AMACR: variants seen among roughly 807,000 people sequenced by gnomAD.
AMACR encodes the protein 2-methylacyl-CoA racemase.
Under a neutral mutation model 22.2 loss-of-function variants are expected in AMACR, and 18 were observed. That is an observed-to-expected ratio of 0.81 (90% CI 0.56 to 1.20). The LOEUF is 1.20. AMACR is among the 50% of genes most tolerant of loss of function. The pLI is 0.00. For synonymous variants in AMACR, 213 were observed against 191.3 expected (o/e 1.11, Z -0.94); for missense variants, 499 against 490.6 (o/e 1.02, Z -0.16).
At chr5:34,001,594 G>A (rs1184929247) in intron 3 of AMACR, among the ~76,000 whole-genome samples, 1 of 152,224 alleles carries the variant, frequency 6.6e-6, no homozygotes, top group East Asian at 1.9e-4. Flanking sequence ...GCAGCTTTAT[G>A]CTACAGTTAA....
intron 3 of AMACR, among the ~76,000 whole-genome samples, chr5:34,003,752 C>T (rs1317891141): frequency 6.6e-6 from 1 of 152,180 alleles, no homozygotes; most frequent in East Asian, 1.9e-4. Flanking sequence ...CCAACTCTAC[C>T]ATTAACTGCT....
intron 3 of AMACR, among the ~76,000 whole-genome samples, chr5:34,001,031 A>G (rs1168749980): frequency 1.3e-5 from 2 of 152,198 alleles, no homozygotes; most frequent in African/African-American, 4.8e-5. Context: ...GAGGAGGTAC[A>G]GGACAAGAAA....
intron 4 of AMACR, chr5:33,997,457 T>C (rs1753677819): frequency 1.3e-6 from 1 of 779,068 alleles, no homozygotes; most frequent in South Asian, 1.3e-5. Context: ...TGACGAGGGT[T>C]TGCCTTGCCT....
chr5:33,989,714 T>C (rs1433301754), intron 4 of AMACR, among the ~76,000 whole-genome samples: 1 of 152,146 alleles, frequency 6.6e-6, no homozygotes, highest in Non-Finnish European at 1.5e-5. Flanking sequence ...CTACTGAGAT[T>C]TTATTATTCA....
chr5:33,989,430 A>G lies in AMACR; in HGVS notation c.812T>C (p.Phe271Ser), dbSNP rs1753407305. The change falls in exon 5 of 5, where the codon TTT becomes TCT. Residue 271 changes from phenylalanine to serine, a missense_variant. Transcript: ENST00000335606. ...MDDWPEMKKK[F>S]ADVFAEKTKA... ...CGTCTTCTCTGCAAATACATCTGCA[A>G]ACTTCTTCTTCATTTCTGGCCAATC... 1 of 1,614,194 alleles carries G rather than the reference A, an allele frequency of 6.2e-7. No individual in the cohort carries two copies. Among genetic ancestry groups the G allele is most frequent in the African/African-American group, 1.3e-5 (1 of 75,044 alleles).
chr5:33,988,932 A>G lies in AMACR; in HGVS notation c.*161T>C. ...AGCCCTAATGATAACCATTTTTAGA[A>G]TTCAATCATCACTGTAGAATCAGAG... On this transcript the variant is annotated 3_prime_UTR_variant, in exon 5 of 5. Transcript: ENST00000335606. The G allele has an allele frequency of 1.4e-6, 2 of 1,446,872 alleles. No individual in the cohort carries two copies. The highest frequency in any genetic ancestry group is 1.8e-6 in the Non-Finnish European group (2 of 1,105,936). The allele number at this position is 1,446,872 out of a possible 1,614,324, so 89.6% of individuals were successfully genotyped here.
At chr5:34,006,125 C>T (rs1013212124) in intron 1 of AMACR, among the ~76,000 whole-genome samples, 10 of 152,206 alleles carry the variant, frequency 6.6e-5, no homozygotes. Context: ...ATCTCTGTTT[C>T]CCTCTAGGTT....
chr5:33,997,762 T>G, intron 4 of AMACR: 1 of 522,034 alleles, frequency 1.9e-6, no homozygotes, highest in South Asian at 3.3e-5. Context: ...ATAGGTGAAG[T>G]TAATATGTTT....
chr5:33,991,793 T>G (rs1753484199), intron 4 of AMACR, among the ~76,000 whole-genome samples: 1 of 151,418 alleles, frequency 6.6e-6, no homozygotes, highest in African/African-American at 2.4e-5. Context: ...CAGGCTGGAG[T>G]GCGGTGGTGT....
At chr5:34,005,529 T>C (rs1159839019) in intron 2 of AMACR, among the ~76,000 whole-genome samples, 1 of 152,158 alleles carries the variant, frequency 6.6e-6, no homozygotes, top group Non-Finnish European at 1.5e-5. Flanking sequence ...AAATAAATGA[T>C]AGTAGTGGGC....
At chr5:33,991,115 A>C (rs1753460124) in intron 4 of AMACR, among the ~76,000 whole-genome samples, 1 of 152,252 alleles carries the variant, frequency 6.6e-6, no homozygotes, top group Non-Finnish European at 1.5e-5. Context: ...CATAACACTA[A>C]GTAAAGCTAG....
At chr5:34,006,179 C>T (rs1393886671) in intron 1 of AMACR, among the ~76,000 whole-genome samples, 1 of 152,172 alleles carries the variant, frequency 6.6e-6, no homozygotes. Context: ...GGTCTCATCC[C>T]TTTAGTAAAT....
chr5:34,007,732 G>A, intron 1 of AMACR, 41 bp downstream of exon 1: 2 of 1,514,308 alleles, frequency 1.3e-6, no homozygotes, highest in Non-Finnish European at 8.8e-7. Flanking sequence ...CCTCCCCTCC[G>A]CGGGAACTTC....
chr5:34,002,750 T>C (rs1365958526), intron 3 of AMACR, among the ~76,000 whole-genome samples: 1 of 152,208 alleles, frequency 6.6e-6, no homozygotes, highest in Non-Finnish European at 1.5e-5. Flanking sequence ...ATAAATCCGG[T>C]GCTGCTATCT....
rs1307595447 is a variant in AMACR at position 33,988,813 on chromosome 5, C to A, written c.*280G>T. 7.8e-7 allele frequency: 1 copy of A among 1,281,698 alleles called. No homozygotes were observed. Among genetic ancestry groups the A allele is most frequent in the Non-Finnish European group, 9.9e-7 (1 of 1,012,374 alleles). 79.4% of individuals were successfully genotyped at this position (1,281,698 alleles called of 1,614,324 possible). On this transcript the variant is annotated 3_prime_UTR_variant, in exon 5 of 5. Coordinates refer to ENST00000335606, the MANE Select transcript of AMACR (RefSeq NM_014324.6). ...ACTAGAACCCATTCAAAATATAAGT[C>A]AAGAATCTTAATATCAACAAATATA...
In AMACR at chr5:34,007,986, A is replaced by G. The variant is rs1265358385; in HGVS notation, c.34T>C (p.Ser12Pro). ...ALQGISVVEL[S>P]GLAPGPFCAM... ...CAGAACGGGCCCGGGGCCAGGCCGGACAGCTCCACGACCGAGATGCCCTGC... is the reference window on the plus strand; with the variant it reads ...CAGAACGGGCCCGGGGCCAGGCCGGGCAGCTCCACGACCGAGATGCCCTGC... Residue 12 changes from serine to proline, a missense_variant, in exon 1 of 5, where the codon TCC (serine) becomes CCC (proline). Physicochemically the swap from Ser to Pro is moderately conservative, Grantham distance 74 (BLOSUM62 -1). Coordinates refer to ENST00000335606, the MANE Select transcript of AMACR (RefSeq NM_014324.6). The G allele has an allele frequency of 6.2e-7, 1 of 1,611,488 alleles. No individual in the cohort carries two copies. The highest frequency in any genetic ancestry group is 2.2e-5 in the East Asian group (1 of 44,854).
intron 4 of AMACR, among the ~76,000 whole-genome samples, chr5:33,996,759 G>A (rs1027421052): frequency 8.6e-5 from 13 of 151,710 alleles, no homozygotes; most frequent in African/African-American, 3.2e-4. Flanking sequence ...GCAACAGAGT[G>A]AGACCCTGTC....
chr5:33,997,119 G>T (rs529810732), intron 4 of AMACR: 1 of 750,130 alleles, frequency 1.3e-6, no homozygotes, highest in African/African-American at 1.7e-5. Flanking sequence ...CAAGTTCAAC[G>T]GCAGTTTCCT....
At chr5:33,990,203 G>A (rs1753433793) in intron 4 of AMACR, among the ~76,000 whole-genome samples, 1 of 152,188 alleles carries the variant, frequency 6.6e-6, no homozygotes, top group African/African-American at 2.4e-5. Flanking sequence ...AAATAAAAGA[G>A]CCCAAAAGGG....
Sources: allele counts gnomAD v4.1 joint callset (sites outside exome capture counted in the v4.1 genomes callset), GRCh38; gene constraint gnomAD v4.1.1; transcripts MANE v1.5; gene names NCBI Gene and HGNC (gene_info 2026-07-23, HGNC 2026-07-21).